LTN1: variants seen among roughly 807,000 people sequenced by gnomAD.
LTN1 encodes the protein E3 ubiquitin-protein ligase listerin.
LTN1 carries 88 observed loss-of-function variants against 201.2 expected under a neutral mutation model. The ratio of observed to expected loss-of-function variants is 0.44; its 90% confidence interval spans 0.37 to 0.52. LTN1 has a LOEUF of 0.52. Among genes scored for constraint, LTN1 ranks in the 20% least tolerant of loss-of-function variants. LTN1 has a pLI of 0.00. For missense variants in LTN1, 1,752 were observed against 2,038.7 expected, an observed-to-expected ratio of 0.86 and a Z score of 2.71; for synonymous variants, 645 against 713.5, an observed-to-expected ratio of 0.90 and a Z score of 1.53.
chr21:28,935,404 T>C, intron 26 of LTN1, 75 bp from the exon 27 acceptor site: 1 of 914,242 alleles, frequency 1.1e-6, no homozygotes, highest in Non-Finnish European at 1.7e-6. Flanking sequence ...TAGTATTTTC[T>C]TTAGAAAGTG....
chr21:28,932,739 A>G (rs1323331096), intron 27 of LTN1, 75 bp from the exon 28 acceptor site: 18 of 971,490 alleles, frequency 1.9e-5, no homozygotes, highest in Non-Finnish European at 2.7e-5. Context: ...TAGGTTGACT[A>G]TTAAAAGCTA....
In LTN1 at chr21:28,953,330, G is replaced by A; in HGVS notation, c.3126C>T (p.Asn1042=). 1 of 1,606,276 alleles carries A rather than the reference G, an allele frequency of 6.2e-7. No individual in the cohort carries two copies. The highest frequency in any genetic ancestry group is 1.1e-5 in the South Asian group (1 of 89,542). The change falls in exon 17 of 30, where the codon AAC becomes AAT. Residue 1042 remains asparagine (N), a synonymous_variant. Transcript: ENST00000361371. ...YSLQWCEELD[N]PPIFLIGFCE... is the part of the protein sequence containing the mutation. ...AAAATCCAATTAGAAAAATAGGTGG[G>A]TTATCTAATTCTTCACACCACTGCA... is the stretch of plus-strand genomic sequence containing the variant.
At chr21:28,992,724 A>G (rs761075644) in intron 1 of LTN1, 40 bp downstream of exon 1, 1 of 1,612,126 alleles carries the variant, frequency 6.2e-7, no homozygotes, top group Non-Finnish European at 8.5e-7. Flanking sequence ...AGCCGCCTCG[A>G]AGCGAGGCTC....
intron 12 of LTN1, 112 bp downstream of exon 12, chr21:28,960,405 A>C: frequency 1.3e-6 from 1 of 761,040 alleles, no homozygotes; most frequent in Non-Finnish European, 2.0e-6. Flanking sequence ...AATTTGAATG[A>C]GTAAGTCCTG....
chr21:28,955,239 A>T (rs2084415042), intron 16 of LTN1, among the ~76,000 whole-genome samples: 1 of 151,752 alleles, frequency 6.6e-6, no homozygotes, highest in Non-Finnish European at 1.5e-5. Context: ...AGGCTGAGGC[A>T]AGAGGATTGC....
At chr21:28,966,009 G>A in intron 10 of LTN1, 103 bp from the exon 11 acceptor site, 1 of 724,180 alleles carries the variant, frequency 1.4e-6, no homozygotes, top group Non-Finnish European at 2.3e-6. Flanking sequence ...ATGGGCTCAA[G>A]CCAATGTCTC....
chr21:28,934,003 C>T (rs1337665877), intron 27 of LTN1, among the ~76,000 whole-genome samples: 1 of 152,094 alleles, frequency 6.6e-6, no homozygotes, highest in Non-Finnish European at 1.5e-5. Flanking sequence ...ATGCCATTCC[C>T]TTCATTTTCC....
chr21:28,944,578 C>G lies in LTN1; in HGVS notation c.3787G>C (p.Ala1263Pro). 1.2e-6 allele frequency: 2 copies of G among 1,612,818 alleles called. No individual in the cohort carries two copies. Among genetic ancestry groups the G allele is most frequent in the Non-Finnish European group, 1.7e-6 (2 of 1,179,202 alleles). Residue 1263 changes from alanine (A) to proline (P), a missense_variant, in exon 22 of 30, where the codon GCA (alanine) becomes CCA (proline). By Grantham distance (27) the Ala-to-Pro change is conservative. Coordinates refer to ENST00000361371, the MANE Select transcript of LTN1 (RefSeq NM_015565.3). Reference protein sequence around the residue: ...AWLETTSENQALYSIPLVQLF... With the variant: ...AWLETTSENQPLYSIPLVQLF... ...TGCACAAGTGGAATAGAATACAATGCCTGATTCTCACTTGTTGTCTGAAAA... is the reference window on the plus strand; with the variant it reads ...TGCACAAGTGGAATAGAATACAATGGCTGATTCTCACTTGTTGTCTGAAAA...
intron 29 of LTN1, 147 bp from the exon 30 acceptor site, chr21:28,930,657 C>T (rs996784603): frequency 3.9e-6 from 2 of 512,132 alleles, no homozygotes; most frequent in Admixed American, 3.8e-5. Flanking sequence ...TCTGTTATCT[C>T]CAAAATTAAC....
chr21:28,937,513 T>C (rs1463784074), intron 25 of LTN1, among the ~76,000 whole-genome samples: 1 of 152,198 alleles, frequency 6.6e-6, no homozygotes, highest in Non-Finnish European at 1.5e-5. Flanking sequence ...CATTTATCCT[T>C]TCTTTGTGTA....
rs149033003 is a variant in LTN1, at chr21:28,966,958, G to A, written c.1533C>T (p.Ser511=). Residue 511 remains serine (S), a synonymous_variant, in exon 10 of 30, where the codon TCC becomes TCT. Transcript: ENST00000361371. The stretch of plus-strand genomic sequence containing the variant: ...GTAATAGGTTAGATACACCCAAAAC[G>A]GACTCAACATCAGCTTCTGGCTCAC... The part of the protein sequence containing the change: ...KISEPEADVE[S]VLGVSNLLQV... 49 of 1,613,628 alleles carry A rather than the reference G, an allele frequency of 3.0e-5. No individual in the cohort carries two copies. The Middle Eastern group carries it at 9.9e-4, about 32-fold the overall frequency.
At chr21:28,943,642 T>C (rs374803812) in intron 23 of LTN1, 25 bp downstream of exon 23, 9 of 1,481,032 alleles carry the variant, frequency 6.1e-6, no homozygotes, top group Non-Finnish European at 4.7e-6. Context: ...CACTGTAACA[T>C]TGATTCAATT....
At chr21:28,932,122 A>G (rs574796646) in intron 28 of LTN1, among the ~76,000 whole-genome samples, 1 of 152,392 alleles carries the variant, frequency 6.6e-6, no homozygotes, top group East Asian at 1.9e-4. Context: ...TTCTCTAACC[A>G]AAGAGGAGTT....
At chr21:28,989,926 A>G (rs965295660) in intron 1 of LTN1, among the ~76,000 whole-genome samples, 6 of 151,938 alleles carry the variant, frequency 3.9e-5, no homozygotes, top group Admixed American at 2.0e-4. Flanking sequence ...TGAGGCAACA[A>G]AACTGCTTGA....
At chr21:28,949,653 T>C (rs969338023) in intron 18 of LTN1, among the ~76,000 whole-genome samples, 1 of 152,238 alleles carries the variant, frequency 6.6e-6, no homozygotes, top group Non-Finnish European at 1.5e-5. Context: ...ATACAGACTG[T>C]ATGTAGCATG....
chr21:28,956,752 A>C lies in LTN1; in HGVS notation c.3079+10T>G. 6 of 1,497,704 alleles carry C rather than the reference A, an allele frequency of 4.0e-6. No homozygotes were observed. Among genetic ancestry groups the C allele is most frequent in the Non-Finnish European group, 5.5e-6 (6 of 1,089,094 alleles). The allele number at this position is 1,497,704 out of a possible 1,614,324, so 92.8% of individuals were successfully genotyped here. ...CATTATGTTATATGTAAATACTCATATATACTTACTTATTTTCTCAAGCTC... is the reference window on the plus strand; with the variant it reads ...CATTATGTTATATGTAAATACTCATCTATACTTACTTATTTTCTCAAGCTC... On this transcript the variant is annotated intron_variant, in intron 16 of 29. Transcript: ENST00000361371.
rs1205384549 is a variant in LTN1, at chr21:28,971,264, T to C, written c.984+7A>G. ...CTCAGTGTACTAAATGTGCCTCTCT[T>C]ACATACCTCAATAGTTGTAAGTGTA... is the stretch of plus-strand genomic sequence containing the variant. On this transcript the variant is annotated splice_region_variant and intron_variant, in intron 7 of 29. Coordinates refer to ENST00000361371, the MANE Select transcript of LTN1 (RefSeq NM_015565.3). 1 of 1,608,702 alleles carries C rather than the reference T, an allele frequency of 6.2e-7. No individual in the cohort carries two copies. The highest frequency in any genetic ancestry group is 1.3e-5 in the African/African-American group (1 of 74,682).
chr21:28,960,411 T>C, intron 12 of LTN1, 106 bp downstream of exon 12: 1 of 821,644 alleles, frequency 1.2e-6, no homozygotes, highest in South Asian at 2.1e-5. Flanking sequence ...AATGAGTAAG[T>C]CCTGTTATTT....
In LTN1 at chr21:28,953,330, G is replaced by T. The variant is rs1601181426; in HGVS notation, c.3126C>A (p.Asn1042Lys). ...AAAATCCAATTAGAAAAATAGGTGG[G>T]TTATCTAATTCTTCACACCACTGCA... is the stretch of plus-strand genomic sequence containing the variant. ...YSLQWCEELD[N>K]PPIFLIGFCE... Residue 1042 changes from asparagine to lysine, a missense_variant, in exon 17 of 30, where the codon AAC (asparagine) becomes AAA (lysine). Coordinates refer to ENST00000361371, the MANE Select transcript of LTN1 (RefSeq NM_015565.3). 9 of 1,606,274 alleles carry T rather than the reference G, an allele frequency of 5.6e-6. No individual in the cohort carries two copies. Among genetic ancestry groups the T allele is most frequent in the African/African-American group, 1.3e-5 (1 of 74,538 alleles).
Sources: allele counts gnomAD v4.1 joint callset (sites outside exome capture counted in the v4.1 genomes callset), GRCh38; gene constraint gnomAD v4.1.1; transcripts MANE v1.5; gene names NCBI Gene and HGNC (gene_info 2026-07-23, HGNC 2026-07-21).